Variants in UPP2 observed in about 807,000 individuals in gnomAD.
UPP2 encodes UPase 2.
In UPP2, 23 loss-of-function variants were observed where a neutral mutation model predicts 26.7. That is an observed-to-expected ratio of 0.86 (90% confidence interval 0.62 to 1.22). The LOEUF is 1.22. Among genes scored for constraint, UPP2 ranks in the 50% most tolerant of loss-of-function variants. The pLI is 0.00. For missense variants in UPP2, 387 were observed against 396.7 expected (o/e 0.98, Z 0.21); for synonymous variants, 127 against 141.3 (o/e 0.90, Z 0.72).
At chr2:158,007,627 CTCT>C (rs966995623) in intron 2 of UPP2, among the ~76,000 whole-genome samples, 3 of 141,936 alleles carry the variant, frequency 2.1e-5, no homozygotes, top group African/African-American at 6.0e-5. Context: ...TTCTCTCTCT[CTCT>C]TTTTTTTTTT....
intron 3 of UPP2, among the ~76,000 whole-genome samples, chr2:158,039,832 G>A (rs991781383): frequency 6.6e-6 from 1 of 152,228 alleles, no homozygotes; most frequent in Non-Finnish European, 1.5e-5. Context: ...TGGAACCAAG[G>A]TAAGGAATTT....
At chr2:158,069,439 C>T (rs1377456352) in intron 3 of UPP2, among the ~76,000 whole-genome samples, 1 of 152,194 alleles carries the variant, frequency 6.6e-6, no homozygotes, top group Non-Finnish European at 1.5e-5. Flanking sequence ...GGCAGCTTCT[C>T]CAGTGTCGAG....
chr2:158,080,324 T>C (rs1032481010), intron 3 of UPP2, among the ~76,000 whole-genome samples: 3 of 152,188 alleles, frequency 2.0e-5, no homozygotes, highest in African/African-American at 7.2e-5. Flanking sequence ...ATGAGCTTGC[T>C]GGCCCAATGA....
chr2:158,050,989 A>G (rs1217980536), intron 3 of UPP2, among the ~76,000 whole-genome samples: 14 of 152,176 alleles, frequency 9.2e-5, no homozygotes, highest in Admixed American at 9.2e-4. Flanking sequence ...TGATGTGACT[A>G]ATTCACAGAG....
At position 158,022,289 on chromosome 2, in the gene UPP2, C is replaced by A. The variant is rs1683764046; in HGVS notation, c.147+6403C>A. On this transcript the variant is annotated intron_variant, in intron 3 of 9. Coordinates refer to the UPP2 transcript ENST00000605860. ...CCTGGCCAACATGGTGAAACCCTGTCTCTACTAAAAATACAAAAAATTAGC... is the reference window on the plus strand; with the variant it reads ...CCTGGCCAACATGGTGAAACCCTGTATCTACTAAAAATACAAAAAATTAGC... 2.0e-5 allele frequency among the ~76,000 whole-genome samples: 3 copies of A among 151,976 alleles called. No individual in the cohort carries two copies. The South Asian group carries it at 6.2e-4, about 32-fold the overall frequency.
At chr2:158,070,965 C>A (rs1280775503) in intron 3 of UPP2, among the ~76,000 whole-genome samples, 1 of 152,202 alleles carries the variant, frequency 6.6e-6, no homozygotes, top group African/African-American at 2.4e-5. Context: ...TGCCTGCCCA[C>A]AGAGAGATCA....
intron 6 of UPP2, among the ~76,000 whole-genome samples, chr2:158,129,615 A>C (rs2105233543): frequency 6.6e-6 from 1 of 151,342 alleles, no homozygotes; most frequent in East Asian, 1.9e-4. Context: ...TAATATATTC[A>C]TCTATCGAAA....
At chr2:158,052,784 A>G (rs1394749420) in intron 3 of UPP2, among the ~76,000 whole-genome samples, 2 of 152,192 alleles carry the variant, frequency 1.3e-5, no homozygotes, top group Admixed American at 6.5e-5. Flanking sequence ...TGTTTTCTGT[A>G]AAGTCCCAGA....
At chr2:158,080,727 G>T (rs1265948600) in intron 3 of UPP2, among the ~76,000 whole-genome samples, 1 of 152,090 alleles carries the variant, frequency 6.6e-6, no homozygotes, top group Non-Finnish European at 1.5e-5. Flanking sequence ...TTACCAAAAA[G>T]CCAGCCTCTG....
At chr2:158,031,283 G>T (rs532094452) in intron 3 of UPP2, among the ~76,000 whole-genome samples, 3 of 152,128 alleles carry the variant, frequency 2.0e-5, no homozygotes, top group Non-Finnish European at 4.4e-5. Context: ...ATTCACTCAC[G>T]TAAGGTCCTG....
At chr2:158,132,579 T>C (rs1683841991) in intron 6 of UPP2, among the ~76,000 whole-genome samples, 1 of 152,128 alleles carries the variant, frequency 6.6e-6, no homozygotes. Context: ...AAAAGATACA[T>C]GGATTGGAGA....
intron 3 of UPP2, among the ~76,000 whole-genome samples, chr2:158,068,812 T>A (rs1462030906): frequency 2.9e-3 from 175 of 59,380 alleles, no homozygotes; most frequent in East Asian, 0.01. Flanking sequence ...ATTTTTTTTT[T>A]TTTTTTTTTT....
chr2:158,114,632 A>C (rs1683386169), intron 2 of UPP2, among the ~76,000 whole-genome samples: 1 of 152,172 alleles, frequency 6.6e-6, no homozygotes, highest in Non-Finnish European at 1.5e-5. Context: ...AAGTTCACAT[A>C]CTCCATTTCA....
intron 3 of UPP2, among the ~76,000 whole-genome samples, chr2:158,084,272 A>AT (rs1349569501): frequency 6.6e-6 from 1 of 151,790 alleles, no homozygotes; most frequent in Non-Finnish European, 1.5e-5. Flanking sequence ...GACATTGAAC[A>AT]TTTTTTCATA....
intron 6 of UPP2, among the ~76,000 whole-genome samples, 158 bp from the exon 7 acceptor site, chr2:158,134,590 T>C (rs1480259313): frequency 6.6e-6 from 1 of 152,146 alleles, no homozygotes; most frequent in Non-Finnish European, 1.5e-5. Flanking sequence ...ACAAAAATAT[T>C]GAAGACCAGA....
Position 158,062,297 on chromosome 2 carries a change from A to T in UPP2, c.148-39743A>T, listed in dbSNP as rs972548221. 2.6e-5 allele frequency among the ~76,000 whole-genome samples: 4 copies of T among 152,306 alleles called. No homozygotes were observed. In the South Asian group the frequency reaches 8.3e-4, roughly 32 times the overall value. On this transcript the variant is annotated intron_variant, in intron 3 of 9. Transcript: ENST00000605860. ...GAAAACACATTTTAAATTACATTTA[A>T]GCTTGGTTACTTTAAATTTAAGGAG...
chr2:158,045,980 C>G (rs1684147698), intron 3 of UPP2, among the ~76,000 whole-genome samples: 3 of 152,268 alleles, frequency 2.0e-5, no homozygotes, highest in Admixed American at 2.0e-4. Flanking sequence ...TCTTTCCCCT[C>G]AAAGCCCACA....
chr2:158,039,457 C>A (rs1020998161), intron 3 of UPP2, among the ~76,000 whole-genome samples: 4 of 152,214 alleles, frequency 2.6e-5, no homozygotes, highest in African/African-American at 4.8e-5. Context: ...TATAACCAAC[C>A]TTTTATGAAA....
intron 2 of UPP2, among the ~76,000 whole-genome samples, chr2:158,108,598 C>A (rs973293365): frequency 1.3e-5 from 2 of 150,840 alleles, no homozygotes; most frequent in Admixed American, 6.6e-5. Context: ...CACACACGCA[C>A]ACACACAGAC....
Sources: allele counts gnomAD v4.1 joint callset (sites outside exome capture counted in the v4.1 genomes callset), GRCh38; gene constraint gnomAD v4.1.1; transcripts MANE v1.5; gene names NCBI Gene and HGNC (gene_info 2026-07-23, HGNC 2026-07-21).